DIP2C: variants seen among roughly 807,000 people sequenced by gnomAD.
DIP2C encodes the protein disco-interacting protein 2 homolog C.
In DIP2C, 33 loss-of-function variants were observed where a neutral mutation model predicts 192.4. The ratio of observed to expected loss-of-function variants is 0.17; its 90% CI spans 0.13 to 0.23. The LOEUF (loss-of-function observed/expected upper bound fraction) is 0.23. Among genes scored for constraint, DIP2C ranks in the 10% least tolerant of loss-of-function variants. The pLI, the probability that DIP2C is intolerant of heterozygous loss-of-function variation, is 1.00. For missense variants in DIP2C, 1,537 were observed against 2,110.1 expected (o/e 0.73, Z 5.32); for synonymous variants, 979 against 864.1 (o/e 1.13, Z -2.33).
At chr10:519,140 C>A (rs1846539846) in intron 1 of DIP2C, among the ~76,000 whole-genome samples, 1 of 152,248 alleles carries the variant, frequency 6.6e-6, no homozygotes, top group South Asian at 2.1e-4. Context: ...GCACTGGAGT[C>A]CTTGGCTCAG....
chr10:500,144 T>A (rs563483130), intron 1 of DIP2C, among the ~76,000 whole-genome samples: 1 of 152,336 alleles, frequency 6.6e-6, no homozygotes, highest in East Asian at 1.9e-4. Flanking sequence ...CCTACATCTG[T>A]ACCTGCCAGG....
chr10:596,103 CT>C (rs936665702), intron 1 of DIP2C, among the ~76,000 whole-genome samples: 1 of 152,102 alleles, frequency 6.6e-6, no homozygotes, highest in Non-Finnish European at 1.5e-5. Flanking sequence ...GCTAAAGGAC[CT>C]TTTTTAAAGA....
intron 29 of DIP2C, among the ~76,000 whole-genome samples, chr10:336,661 T>C (rs1483864560): frequency 6.6e-6 from 1 of 152,218 alleles, no homozygotes; most frequent in African/African-American, 2.4e-5. Flanking sequence ...AAGTAAATTG[T>C]AAAACAGCCT....
intron 1 of DIP2C, among the ~76,000 whole-genome samples, chr10:604,216 T>C (rs1852308597): frequency 6.6e-6 from 1 of 152,180 alleles, no homozygotes; most frequent in African/African-American, 2.4e-5. Flanking sequence ...TTTTGCCATG[T>C]AAACTTCATT....
At chr10:401,972 C>T (rs1964488305) in intron 9 of DIP2C, among the ~76,000 whole-genome samples, 1 of 146,804 alleles carries the variant, frequency 6.8e-6, no homozygotes, top group Non-Finnish European at 1.5e-5. Context: ...TTCCTCAGCA[C>T]ATAAATCCTG....
intron 1 of DIP2C, among the ~76,000 whole-genome samples, chr10:600,615 C>T (rs773309255): frequency 2.0e-5 from 3 of 150,506 alleles, no homozygotes; most frequent in South Asian, 2.1e-4. Flanking sequence ...AGAGGGTTTC[C>T]GGATGCTCCT....
intron 1 of DIP2C, among the ~76,000 whole-genome samples, chr10:562,290 C>T (rs1246833525): frequency 2.6e-5 from 4 of 152,212 alleles, no homozygotes; most frequent in Admixed American, 2.0e-4. Flanking sequence ...GCAATAATTT[C>T]CCTGTCTGGA....
At chr10:643,513 C>CA (rs368131570) in intron 1 of DIP2C, among the ~76,000 whole-genome samples, 18 of 149,764 alleles carry the variant, frequency 1.2e-4, no homozygotes, top group African/African-American at 3.2e-4. Context: ...GACTCCATCT[C>CA]AAAAAAAAAC....
intron 3 of DIP2C, among the ~76,000 whole-genome samples, chr10:469,268 C>G (rs1970446609): frequency 6.6e-6 from 1 of 151,766 alleles, no homozygotes; most frequent in African/African-American, 2.4e-5. Context: ...ACCTTCAGGT[C>G]CTATTGCTAT....
intron 4 of DIP2C, among the ~76,000 whole-genome samples, chr10:433,391 A>G (rs1249867905): frequency 6.6e-6 from 1 of 152,202 alleles, no homozygotes; most frequent in Non-Finnish European, 1.5e-5. Flanking sequence ...TTTTAAAATT[A>G]GTGTTGGCTG....
chr10:391,861 G>A (rs181553989), intron 10 of DIP2C, among the ~76,000 whole-genome samples: 1 of 152,180 alleles, frequency 6.6e-6, no homozygotes. Context: ...CTGAAGAGTG[G>A]TGTTTTCACC....
rs982217161 is a variant in DIP2C at position 326,928 on chromosome 10, C to T, written c.3924+78G>A. The T allele has an allele frequency of 2.7e-4, 403 of 1,498,184 alleles. 1 individual carries two copies. The highest frequency in any genetic ancestry group is 3.2e-4 in the Non-Finnish European group (352 of 1,114,432). The allele number at this position is 1,498,184 out of a possible 1,614,324, so 92.8% of individuals were successfully genotyped here. A position where few individuals can be genotyped will look rare whatever the true frequency, so the allele number is the denominator to read the frequency against. The stretch of plus-strand genomic sequence containing the variant: ...GTAGCTAAGCATCAGCCGAGGGAGA[C>T]GAGTGGAGCCAGTCTGTGCTGTACC... On this transcript the variant is annotated intron_variant, in intron 31 of 36. Transcript: ENST00000280886.
At chr10:346,280 A>C in intron 26 of DIP2C, among the ~76,000 whole-genome samples, 1 of 59,214 alleles carries the variant, frequency 1.7e-5, no homozygotes, top group Non-Finnish European at 3.1e-5. Context: ...ACCCAGACAC[A>C]TCGCGCATAG....
chr10:670,223 CGCAT>C (rs1474736246), intron 1 of DIP2C, among the ~76,000 whole-genome samples: 3 of 142,584 alleles, frequency 2.1e-5, no homozygotes, highest in East Asian at 2.0e-4. Context: ...CATACGCACA[CGCAT>C]GCATGCACAC....
intron 3 of DIP2C, among the ~76,000 whole-genome samples, chr10:442,789 C>T (rs1294949235): frequency 2.0e-5 from 3 of 152,216 alleles, no homozygotes; most frequent in Non-Finnish European, 4.4e-5. Flanking sequence ...GGAAATTTAG[C>T]TGTCATATAC....
chr10:592,679 C>T lies in DIP2C; in HGVS notation c.85+96815G>A, dbSNP rs117312679. Among the ~76,000 whole-genome samples the T allele has an allele frequency of 6.8e-4, 103 of 152,254 alleles. 2 individuals are homozygous for T. Among genetic ancestry groups the T allele is most frequent in the African/African-American group, 2.2e-3 (92 of 41,518 alleles). On this transcript the variant is annotated intron_variant, in intron 1 of 36. Transcript: ENST00000280886. Reference sequence around the variant, plus strand: ...AGAAAAAAGCAAAATAATGACAACACTATTTTTAATTCTTTGTAAATTATA... The same window carrying T: ...AGAAAAAAGCAAAATAATGACAACATTATTTTTAATTCTTTGTAAATTATA...
At chr10:520,209 T>A (rs1004549158) in intron 1 of DIP2C, among the ~76,000 whole-genome samples, 1 of 152,052 alleles carries the variant, frequency 6.6e-6, no homozygotes, top group Non-Finnish European at 1.5e-5. Flanking sequence ...ACAGGCAAAG[T>A]TTCCACACGG....
intron 4 of DIP2C, 78 bp from the exon 5 acceptor site, chr10:423,111 G>A: frequency 7.4e-7 from 1 of 1,355,274 alleles, no homozygotes; most frequent in Non-Finnish European, 1.0e-6. Flanking sequence ...GCCAAACACA[G>A]ATTTACTTCA....
At chr10:343,009 G>A (rs1958233124) in intron 28 of DIP2C, among the ~76,000 whole-genome samples, 2 of 152,226 alleles carry the variant, frequency 1.3e-5, no homozygotes, top group Non-Finnish European at 2.9e-5. Context: ...ACACGTCACG[G>A]CTGGGCAAGG....
Sources: gnomAD v4.1 joint callset for allele counts (sites outside exome capture counted in the v4.1 genomes callset) on GRCh38, gnomAD v4.1.1 for gene constraint, MANE v1.5 for transcripts, NCBI Gene and HGNC (gene_info 2026-07-23, HGNC 2026-07-21) for gene names.